TRAPPC9: variants seen among roughly 807,000 people sequenced by gnomAD.
TRAPPC9 encodes trafficking protein particle complex subunit 9, also known as IKK2 binding protein.
A neutral mutation model predicts 124.0 loss-of-function variants in TRAPPC9; 83 were observed. That is an observed-to-expected ratio of 0.67 (90% CI 0.56 to 0.80). The LOEUF is 0.80. Among genes scored for constraint, TRAPPC9 ranks in the 30% least tolerant of loss-of-function variants. The pLI, the probability that TRAPPC9 is intolerant of heterozygous loss-of-function variation, is 0.00. For missense variants in TRAPPC9, 1,302 were observed against 1,508.3 expected (o/e 0.86, Z 2.27); for synonymous variants, 638 against 617.5 (o/e 1.03, Z -0.49).
At chr8:140,272,869 C>A (rs1316665120) in intron 15 of TRAPPC9, among the ~76,000 whole-genome samples, 2 of 150,492 alleles carry the variant, frequency 1.3e-5, no homozygotes, top group South Asian at 4.3e-4. Context: ...AAACCCCCCA[C>A]CAGACCCCCC....
In TRAPPC9 at chr8:139,980,155, C is replaced by A. The variant is rs1836792670; in HGVS notation, c.2810+8571G>T. Among the ~76,000 whole-genome samples the A allele has an allele frequency of 2.0e-5, 3 of 152,176 alleles. No individual in the cohort carries two copies. In the South Asian group the frequency reaches 6.2e-4, roughly 32 times the overall value. On this transcript the variant is annotated intron_variant, in intron 19 of 22. Transcript: ENST00000438773. ...AGACTTCTCTAACAAGATGCCAACC[C>A]CGAGGGACCACACCCCTCCCTGCAG...
rs1015216374 is a variant in TRAPPC9, at chr8:139,776,702, G to T, written c.3056-44500C>A. Among the ~76,000 whole-genome samples the T allele has an allele frequency of 6.6e-6, 1 of 152,220 alleles. No homozygotes were observed. The highest frequency in any genetic ancestry group is 1.9e-4 in the East Asian group (1 of 5,152). Reference sequence around the variant, plus strand: ...CACACACACACAGAAAGGCACATGTGTGCTGGCTTCAAGAGCTTGGTGTAG... The same window carrying T: ...CACACACACACAGAAAGGCACATGTTTGCTGGCTTCAAGAGCTTGGTGTAG... On this transcript the variant is annotated intron_variant, in intron 21 of 22. Transcript: ENST00000438773. The surrounding 1 kb of genome is among the most constrained non-coding windows in gnomAD (Gnocchi z 4.1).
At position 140,283,993 on chromosome 8, in the gene TRAPPC9, G is replaced by C. The variant is rs373886400; in HGVS notation, c.2010C>G (p.Phe670Leu). The change falls in exon 14 of 23, where the codon TTC becomes TTG. Residue 670 changes from phenylalanine to leucine, a missense_variant. Physicochemically the swap from Phe to Leu is conservative, Grantham distance 22 (BLOSUM62 0). Transcript: ENST00000438773. Reference sequence around the variant, plus strand: ...GCAGGTTATCCAGCAAACAGTCACTGAACACACCGAAGACCGTGGTATGGT... The same window carrying C: ...GCAGGTTATCCAGCAAACAGTCACTCAACACACCGAAGACCGTGGTATGGT... ...NGYHTTVFGV[F>L]SDCLLDNLPG... 6.2e-7 allele frequency: 1 copy of C among 1,614,012 alleles called. No individual in the cohort carries two copies. Among genetic ancestry groups the C allele is most frequent in the Non-Finnish European group, 8.5e-7 (1 of 1,180,026 alleles).
chr8:140,193,887 C>T (rs928932048), intron 17 of TRAPPC9, among the ~76,000 whole-genome samples: 21 of 152,326 alleles, frequency 1.4e-4, no homozygotes, highest in East Asian at 3.9e-4. Flanking sequence ...CAGTGCCCAA[C>T]GCAAAGAAGG....
chr8:140,143,372 G>A lies in TRAPPC9; in HGVS notation c.2556+78087C>T, dbSNP rs569768968. ...TCTATCAGTGGGACTCACTCTTATA[G>A]TCTACATACCAGTCCTCTGATGGCT... is the stretch of plus-strand genomic sequence containing the variant. On this transcript the variant is annotated intron_variant, in intron 17 of 22. Coordinates refer to ENST00000438773, the MANE Select transcript of TRAPPC9 (RefSeq NM_001160372.4). Among the ~76,000 whole-genome samples the A allele has an allele frequency of 5.9e-5, 9 of 151,698 alleles. No individual in the cohort carries two copies. The South Asian group carries it at 1.5e-3, about 25-fold the overall frequency.
At chr8:140,320,160 T>C (rs1480883880) in intron 9 of TRAPPC9, among the ~76,000 whole-genome samples, 4 of 152,224 alleles carry the variant, frequency 2.6e-5, no homozygotes, top group East Asian at 1.9e-4. Flanking sequence ...CTTTCACTTA[T>C]AGAAATAATA....
At chr8:140,446,060 A>G (rs1295784894) in intron 2 of TRAPPC9, among the ~76,000 whole-genome samples, 1 of 152,214 alleles carries the variant, frequency 6.6e-6, no homozygotes, top group Non-Finnish European at 1.5e-5. Flanking sequence ...TGGGAGGCCA[A>G]GGCAGGTGGA....
chr8:140,103,909 C>G (rs926826171), intron 17 of TRAPPC9, among the ~76,000 whole-genome samples: 1 of 152,188 alleles, frequency 6.6e-6, no homozygotes, highest in African/African-American at 2.4e-5. Flanking sequence ...CACCCTCCCA[C>G]CTGGGAGAGA....
chr8:140,325,305 A>C (rs1445897278), intron 9 of TRAPPC9, among the ~76,000 whole-genome samples: 4 of 152,222 alleles, frequency 2.6e-5, no homozygotes. Flanking sequence ...AAGACATAAA[A>C]TTAAATATAA....
intron 18 of TRAPPC9, among the ~76,000 whole-genome samples, chr8:140,010,787 A>G (rs1234848770): frequency 6.6e-6 from 1 of 152,238 alleles, no homozygotes; most frequent in Non-Finnish European, 1.5e-5. Context: ...TAGAATTTAT[A>G]TTACAAAAAC....
intron 16 of TRAPPC9, among the ~76,000 whole-genome samples, chr8:140,230,311 G>GA (rs899664922): frequency 2.0e-5 from 3 of 151,970 alleles, no homozygotes; most frequent in Admixed American, 6.5e-5. Context: ...AGATGGTTAA[G>GA]AAAAAAAAGA....
intron 21 of TRAPPC9, among the ~76,000 whole-genome samples, chr8:139,736,744 T>G (rs7824762): frequency 0.83 from 126,631 of 152,266 alleles, 52,774 homozygotes; most frequent in East Asian, 0.9. Context: ...GGCAGGGCTG[T>G]GCCCGGGTAG....
At chr8:139,858,032 A>G (rs987776554) in intron 21 of TRAPPC9, among the ~76,000 whole-genome samples, 2 of 152,230 alleles carry the variant, frequency 1.3e-5, no homozygotes, top group African/African-American at 2.4e-5. Flanking sequence ...ACTGCTTCCA[A>G]AAAGGCTACT....
intron 21 of TRAPPC9, among the ~76,000 whole-genome samples, chr8:139,827,347 C>A (rs941789184): frequency 6.6e-6 from 1 of 152,198 alleles, no homozygotes; most frequent in Admixed American, 6.5e-5. Flanking sequence ...GCATGCAGGA[C>A]AGAGGAAGGC....
intron 21 of TRAPPC9, among the ~76,000 whole-genome samples, chr8:139,791,497 C>T (rs1239674532): frequency 1.3e-5 from 2 of 151,366 alleles, no homozygotes; most frequent in African/African-American, 4.9e-5. Context: ...ACCCATCTCC[C>T]CTGCCCACAG....
At chr8:140,224,805 C>G (rs1342434678) in intron 16 of TRAPPC9, among the ~76,000 whole-genome samples, 2 of 152,148 alleles carry the variant, frequency 1.3e-5, no homozygotes, top group Non-Finnish European at 1.5e-5. Flanking sequence ...CCTAGCTGTC[C>G]TAATGGAAAG....
intron 19 of TRAPPC9, among the ~76,000 whole-genome samples, chr8:139,939,518 C>T (rs1041964270): frequency 6.6e-6 from 1 of 152,060 alleles, no homozygotes; most frequent in African/African-American, 2.4e-5. Flanking sequence ...ATTCCCAGGG[C>T]AGGATCTGCT....
intron 18 of TRAPPC9, among the ~76,000 whole-genome samples, chr8:140,018,293 TG>T (rs1249226021): frequency 1.3e-5 from 2 of 151,676 alleles, no homozygotes; most frequent in Admixed American, 1.3e-4. Flanking sequence ...ATTTTCAAAT[TG>T]TTAGTTGCTG....
At chr8:140,285,027 T>C (rs1480426921) in intron 13 of TRAPPC9, among the ~76,000 whole-genome samples, 3 of 152,250 alleles carry the variant, frequency 2.0e-5, no homozygotes, top group South Asian at 2.1e-4. Flanking sequence ...TTTAAGTCAG[T>C]CATTTTCCTT....
Sources: allele counts gnomAD v4.1 joint callset (sites outside exome capture counted in the v4.1 genomes callset), GRCh38; gene constraint gnomAD v4.1.1; non-coding constraint Gnocchi (gnomAD v3.1); transcripts MANE v1.5; gene names NCBI Gene and HGNC (gene_info 2026-07-23, HGNC 2026-07-21).